PCDHA12: variants seen among roughly 807,000 people sequenced by gnomAD.
PCDHA12 encodes protocadherin alpha 12.
PCDHA12 carries 44 observed loss-of-function variants against 60.0 expected under a neutral mutation model. The ratio of observed to expected loss-of-function variants is 0.73; its 90% CI spans 0.58 to 0.94. The LOEUF is 0.94. PCDHA12 is among the 40% of genes least tolerant of loss of function. The pLI is 0.00. For synonymous variants in PCDHA12, 569 were observed against 553.0 expected (o/e 1.03, Z -0.40); for missense variants, 1,276 against 1,239.7 (o/e 1.03, Z -0.44).
At position 141,010,202 on chromosome 5, in the gene PCDHA12, GC is replaced by G. The variant is rs1308553255; in HGVS notation, c.*267del. 6.4e-7 allele frequency: 1 copy of G among 1,551,944 alleles called. No individual in the cohort carries two copies. The highest frequency in any genetic ancestry group is 8.7e-7 in the Non-Finnish European group (1 of 1,147,050). The stretch of plus-strand genomic sequence containing the variant: ...CAGACCCAAGTTTCCTTTCTCCTCC[GC>G]CGCAAAGGAGAGGCTTCCCAGCCCC... On this transcript the variant is annotated 3_prime_UTR_variant, in exon 4 of 4. Transcript: ENST00000398631.
At chr5:140,986,398 G>C (rs973049448) in intron 3 of PCDHA12, among the ~76,000 whole-genome samples, 1 of 152,174 alleles carries the variant, frequency 6.6e-6, no homozygotes, top group Non-Finnish European at 1.5e-5. Context: ...AGGGCCAGTC[G>C]CTCATGTTAC....
At chr5:141,003,122 C>A (rs782642950) in intron 3 of PCDHA12, among the ~76,000 whole-genome samples, 57 of 152,318 alleles carry the variant, frequency 3.7e-4, no homozygotes, top group African/African-American at 9.6e-4. Context: ...TGGCCCTTTC[C>A]TGGCATTTGC....
chr5:140,966,924 C>T (rs1554228895), intron 1 of PCDHA12: 2 of 1,602,624 alleles, frequency 1.2e-6, no homozygotes, highest in Admixed American at 1.7e-5. Context: ...GAGGAGCAGG[C>T]ACCCGGCGCG....
chr5:140,922,560 G>A (rs2080886484), intron 1 of PCDHA12, among the ~76,000 whole-genome samples: 4 of 152,146 alleles, frequency 2.6e-5, no homozygotes, highest in Admixed American at 2.6e-4. Flanking sequence ...GAAAAGTCAG[G>A]ATGACAAGTT....
At chr5:140,879,229 T>C (rs1415984062) in intron 1 of PCDHA12, among the ~76,000 whole-genome samples, 2 of 152,102 alleles carry the variant, frequency 1.3e-5, no homozygotes, top group African/African-American at 2.4e-5. Context: ...AAAAGACATA[T>C]ACAAGAGGCA....
rs2056468121 is a variant in PCDHA12 at position 140,876,625 on chromosome 5, G to A, written c.1153G>A (p.Val385Ile). The change falls in exon 1 of 4, where the codon GTC becomes ATC. Residue 385 changes from valine to isoleucine, a missense_variant. By Grantham distance (29) the Val-to-Ile change is conservative. Transcript: ENST00000398631. The stretch of plus-strand genomic sequence containing the variant: ...TCGTGACTCTGGAGCCAATGGACAG[G>A]TCATCTGCTCACTGACACCTCATGT... ...SDRDSGANGQ[V>I]ICSLTPHVPF... 1 of 1,614,192 alleles carries A rather than the reference G, an allele frequency of 6.2e-7. No individual in the cohort carries two copies.
At chr5:140,946,345 G>A (rs1292610586) in intron 1 of PCDHA12, among the ~76,000 whole-genome samples, 1 of 151,836 alleles carries the variant, frequency 6.6e-6, no homozygotes, top group Non-Finnish European at 1.5e-5. Flanking sequence ...GTGATGGAGA[G>A]GATGTGGAGA....
chr5:141,005,819 G>A, intron 3 of PCDHA12, among the ~76,000 whole-genome samples: 1 of 151,636 alleles, frequency 6.6e-6, no homozygotes, highest in South Asian at 2.1e-4. Context: ...CAGGTATGGT[G>A]GCCTGTAGTC....
intron 1 of PCDHA12, among the ~76,000 whole-genome samples, chr5:140,924,989 C>T (rs782768303): frequency 7.9e-5 from 12 of 151,328 alleles, no homozygotes; most frequent in Admixed American, 1.3e-4. Context: ...GTCTGTAATC[C>T]TAGCACTTTA....
intron 1 of PCDHA12, among the ~76,000 whole-genome samples, chr5:140,949,848 C>T (rs534650997): frequency 2.2e-4 from 34 of 151,738 alleles, no homozygotes; most frequent in African/African-American, 6.0e-4. Flanking sequence ...CTTCTGTTTC[C>T]GCTTATCTGT....
chr5:140,998,107 A>G (rs138517610), intron 3 of PCDHA12, among the ~76,000 whole-genome samples: 1 of 152,328 alleles, frequency 6.6e-6, no homozygotes, highest in Non-Finnish European at 1.5e-5. Flanking sequence ...AACAGAGGAG[A>G]AAATTTACTT....
chr5:140,892,498 T>G (rs937078713), intron 1 of PCDHA12, among the ~76,000 whole-genome samples: 3 of 152,232 alleles, frequency 2.0e-5, no homozygotes, highest in Non-Finnish European at 4.4e-5. Flanking sequence ...AGAGATTGTT[T>G]AAGAAGTTCC....
intron 1 of PCDHA12, chr5:140,883,426 C>T: frequency 6.2e-7 from 1 of 1,614,196 alleles, no homozygotes; most frequent in Non-Finnish European, 8.5e-7. Context: ...GACAGGTCAC[C>T]TGCACCTTGA....
At chr5:140,981,533 C>A (rs1045779820) in intron 2 of PCDHA12, among the ~76,000 whole-genome samples, 9 of 152,154 alleles carry the variant, frequency 5.9e-5, no homozygotes, top group African/African-American at 2.2e-4. Context: ...GAGATCGTGC[C>A]ACTGTACTCC....
At chr5:140,891,972 T>C (rs1273277446) in intron 1 of PCDHA12, among the ~76,000 whole-genome samples, 1 of 152,222 alleles carries the variant, frequency 6.6e-6, no homozygotes, top group African/African-American at 2.4e-5. Flanking sequence ...TAAATTTCCG[T>C]TCTCATAAAT....
chr5:140,960,606 T>C (rs565459983), intron 1 of PCDHA12, among the ~76,000 whole-genome samples: 2 of 152,176 alleles, frequency 1.3e-5, no homozygotes, highest in African/African-American at 4.8e-5. Context: ...ACTTCAACAA[T>C]ATCTAGTGTG....
At chr5:140,935,382 T>G (rs1475831801) in intron 1 of PCDHA12, among the ~76,000 whole-genome samples, 1 of 152,218 alleles carries the variant, frequency 6.6e-6, no homozygotes, top group Non-Finnish European at 1.5e-5. Flanking sequence ...AATTACTCAT[T>G]TGTTATCCCA....
chr5:140,921,051 C>T (rs2079992855), intron 1 of PCDHA12, among the ~76,000 whole-genome samples: 1 of 151,910 alleles, frequency 6.6e-6, no homozygotes, highest in Non-Finnish European at 1.5e-5. Context: ...GCAATCATAG[C>T]TCACTCTAAC....
chr5:141,011,509 G>C lies in PCDHA12; in HGVS notation c.*1572G>C, dbSNP rs2098420853. ...TTTTGTACACCTGTGAAAAAGTGGA[G>C]TAGTGTTTTTTTAACCATTGTTAAT... is the stretch of plus-strand genomic sequence containing the variant. On this transcript the variant is annotated 3_prime_UTR_variant, in exon 4 of 4. Coordinates refer to ENST00000398631, the MANE Select transcript of PCDHA12 (RefSeq NM_018903.4). The C allele has an allele frequency of 6.5e-6, 1 of 153,760 alleles. No individual in the cohort carries two copies. The highest frequency in any genetic ancestry group is 1.5e-5 in the Non-Finnish European group (1 of 68,040). The allele number at this position is 153,760 out of a possible 1,614,324, so 9.5% of individuals were successfully genotyped here.
Sources: gnomAD v4.1 joint callset for allele counts (sites outside exome capture counted in the v4.1 genomes callset) on GRCh38, gnomAD v4.1.1 for gene constraint, MANE v1.5 for transcripts, NCBI Gene and HGNC (gene_info 2026-07-23, HGNC 2026-07-21) for gene names.